The following PAFAH1B2 variants were observed in gnomAD, a reference collection of about 807,000 sequenced individuals.
PAFAH1B2 encodes platelet activating factor acetylhydrolase 1b catalytic subunit 2, also known as platelet-activating factor acetylhydrolase IB subunit alpha2.
In PAFAH1B2, 8 loss-of-function variants were observed where a neutral mutation model predicts 28.0. The ratio of observed to expected loss-of-function variants is 0.29; its 90% CI spans 0.17 to 0.52. PAFAH1B2 has a LOEUF of 0.52. PAFAH1B2 is among the 20% of genes least tolerant of loss of function. The pLI is 0.97. For synonymous variants in PAFAH1B2, 104 were observed against 103.2 expected (o/e 1.01, Z -0.05); for missense variants, 190 against 282.6 (o/e 0.67, Z 2.35).
intron 1 of PAFAH1B2, among the ~76,000 whole-genome samples, chr11:117,148,533 A>G (rs1438586594): frequency 6.6e-6 from 1 of 152,186 alleles, no homozygotes; most frequent in African/African-American, 2.4e-5. Flanking sequence ...AGCTCCTAGC[A>G]CAGGGTCTGG....
At chr11:117,175,551 T>C (rs1360296713), downstream of PAFAH1B2, 2 of 1,108,716 alleles carry the variant, frequency 1.8e-6, no homozygotes, top group Non-Finnish European at 2.2e-6. Context: ...GATGGATTTC[T>C]CTCCAGATAT....
chr11:117,164,475 A>C (rs1956453724), intron 5 of PAFAH1B2, among the ~76,000 whole-genome samples: 3 of 151,052 alleles, frequency 2.0e-5, no homozygotes, highest in Non-Finnish European at 4.4e-5. Flanking sequence ...AATTTTTTGC[A>C]CAATGGCACA....
chr11:117,171,403 G>A (rs939309891), downstream of PAFAH1B2, among the ~76,000 whole-genome samples: 20 of 152,136 alleles, frequency 1.3e-4, no homozygotes, highest in Non-Finnish European at 2.9e-5. Context: ...TATTGGCCGG[G>A]CTCACGCCTG....
chr11:117,144,449 T>C (rs530594244), intron 1 of PAFAH1B2, 31 bp downstream of exon 1: 118 of 288,970 alleles, frequency 4.1e-4, no homozygotes, highest in Middle Eastern at 3.8e-3. Flanking sequence ...AGGGAACCGG[T>C]GGCTTAGAGG....
chr11:117,174,611 C>T (rs1024406264), downstream of PAFAH1B2, among the ~76,000 whole-genome samples: 12 of 152,030 alleles, frequency 7.9e-5, no homozygotes, highest in Non-Finnish European at 1.6e-4. Context: ...CCGAAGTAGC[C>T]GGGATCATAA....
intron 2 of PAFAH1B2, among the ~76,000 whole-genome samples, chr11:117,155,772 T>C (rs1254301826): frequency 6.6e-6 from 1 of 150,466 alleles, no homozygotes; most frequent in Non-Finnish European, 1.5e-5. Context: ...GGAAGAAGAG[T>C]GTGACCTGGG....
rs1956601209 is a variant in PAFAH1B2 at position 117,169,569 on chromosome 11, CTCTT to C, written c.*1874_*1877del. On this transcript the variant is annotated 3_prime_UTR_variant, in exon 6 of 6. Coordinates refer to ENST00000527958, the MANE Select transcript of PAFAH1B2 (RefSeq NM_002572.4). ...TGGGCTCATTTTTTTCTTGTGAAGT[CTCTT>C]TCTAGAAAATTTTTTGGTTTTGTTC... 3 of 1,054,844 alleles carry C rather than the reference CTCTT, an allele frequency of 2.8e-6. No individual in the cohort carries two copies. The highest frequency in any genetic ancestry group is 5.5e-5 in the Admixed American group (1 of 18,332). 65.3% of individuals were successfully genotyped at this position (1,054,844 alleles called of 1,614,324 possible).
rs1165894688 is a variant in PAFAH1B2, at chr11:117,169,918, G to A, written c.*2219G>A. Reference sequence around the variant, plus strand: ...CGCTTTTAGCTTCTCTCTTGACTGAGGATCAAATATCCCTTTGTGAGCTGG... The same window carrying A: ...CGCTTTTAGCTTCTCTCTTGACTGAAGATCAAATATCCCTTTGTGAGCTGG... On this transcript the variant is annotated 3_prime_UTR_variant, in exon 6 of 6. Coordinates refer to ENST00000527958, the MANE Select transcript of PAFAH1B2 (RefSeq NM_002572.4). 1.2e-4 allele frequency: 125 copies of A among 1,053,622 alleles called. No homozygotes were observed. The highest frequency in any genetic ancestry group is 1.3e-4 in the Non-Finnish European group (117 of 872,042). 65.3% of individuals were successfully genotyped at this position (1,053,622 alleles called of 1,614,324 possible).
At chr11:117,154,603 A>AT (rs35500922) in intron 2 of PAFAH1B2, among the ~76,000 whole-genome samples, 8,151 of 151,830 alleles carry the variant, frequency 0.054, 257 homozygotes, top group South Asian at 0.1. Context: ...TGCCGGGCTA[A>AT]TTTTTTTTAT....
intron 1 of PAFAH1B2, among the ~76,000 whole-genome samples, chr11:117,149,723 T>G (rs1024914547): frequency 1.3e-5 from 2 of 151,970 alleles, no homozygotes; most frequent in Non-Finnish European, 2.9e-5. Flanking sequence ...TGAGCCACCG[T>G]GCCCGGCCAA....
At chr11:117,177,285 AAAAT>A (rs1429802777), downstream of PAFAH1B2, among the ~76,000 whole-genome samples, 1 of 152,214 alleles carries the variant, frequency 6.6e-6, no homozygotes, top group Non-Finnish European at 1.5e-5. Context: ...TTAAATATAA[AAAAT>A]AAAATTTAAG....
At chr11:117,151,131 A>G (rs1391676666) in intron 1 of PAFAH1B2, among the ~76,000 whole-genome samples, 2 of 151,296 alleles carry the variant, frequency 1.3e-5, no homozygotes, top group African/African-American at 2.4e-5. Context: ...CTGGTTTCTT[A>G]TTTGTCTTTC....
In PAFAH1B2 at chr11:117,169,276, C is replaced by A. The variant is rs1270335157; in HGVS notation, c.*1577C>A. 7 of 1,039,122 alleles carry A rather than the reference C, an allele frequency of 6.7e-6. No homozygotes were observed. The highest frequency in any genetic ancestry group is 8.1e-6 in the Non-Finnish European group (7 of 862,904). The allele number at this position is 1,039,122 out of a possible 1,614,324, so 64.4% of individuals were successfully genotyped here. On this transcript the variant is annotated 3_prime_UTR_variant, in exon 6 of 6. Coordinates refer to ENST00000527958, the MANE Select transcript of PAFAH1B2 (RefSeq NM_002572.4). ...CTGAGAATTTGTTGATCTTAATGTT[C>A]GAGCTATATAAGAACTGCCATTAAA...
intron 2 of PAFAH1B2, among the ~76,000 whole-genome samples, chr11:117,154,652 G>A (rs1956222963): frequency 6.6e-6 from 1 of 152,062 alleles, no homozygotes; most frequent in Admixed American, 6.6e-5. Context: ...TATTGCCCAG[G>A]CTGATGATCT....
At chr11:117,147,017 C>T (rs1054080214) in intron 1 of PAFAH1B2, among the ~76,000 whole-genome samples, 1 of 151,900 alleles carries the variant, frequency 6.6e-6, no homozygotes, top group Non-Finnish European at 1.5e-5. Flanking sequence ...GCCTGTAATC[C>T]CAGCACTTTG....
At chr11:117,159,240 T>C (rs1956317969) in intron 2 of PAFAH1B2, 1 of 152,190 alleles carries the variant, frequency 6.6e-6, no homozygotes, top group African/African-American at 2.4e-5. Flanking sequence ...AGTAGAATTC[T>C]GGGTTTCTTG....
downstream of PAFAH1B2, chr11:117,175,917 G>A: frequency 6.5e-7 from 1 of 1,535,748 alleles, no homozygotes; most frequent in Non-Finnish European, 8.7e-7. Flanking sequence ...TTATTTACTG[G>A]CAAGATGAGC....
At chr11:117,166,762 G>A (rs1048527871) in intron 5 of PAFAH1B2, among the ~76,000 whole-genome samples, 8 of 152,172 alleles carry the variant, frequency 5.3e-5, no homozygotes, top group Non-Finnish European at 8.8e-5. Context: ...GGTTCCATGT[G>A]GCATTAATAG....
downstream of PAFAH1B2, among the ~76,000 whole-genome samples, chr11:117,174,438 C>T (rs558613049): frequency 6.6e-6 from 1 of 151,884 alleles, no homozygotes; most frequent in African/African-American, 2.4e-5. Context: ...CCCACCTCAG[C>T]CTCCCAAAGT....
Sources: allele counts gnomAD v4.1 joint callset (sites outside exome capture counted in the v4.1 genomes callset), GRCh38; gene constraint gnomAD v4.1.1; transcripts MANE v1.5; gene names NCBI Gene and HGNC (gene_info 2026-07-23, HGNC 2026-07-21).